The following CSMD1 variants were observed in gnomAD, a reference collection of about 807,000 sequenced individuals.
CSMD1 encodes the protein CUB and sushi domain-containing protein 1.
A neutral mutation model predicts 417.5 loss-of-function variants in CSMD1; 213 were observed. The ratio of observed to expected loss-of-function variants is 0.51; its 90% CI spans 0.46 to 0.57. The LOEUF is 0.57. CSMD1 is among the 20% of genes least tolerant of loss of function. CSMD1 has a pLI of 0.00. For synonymous variants in CSMD1, 2,862 were observed against 1,736.8 expected (o/e 1.65, Z -16.11); for missense variants, 6,923 against 4,529.7 (o/e 1.53, Z -15.17).
chr8:4,160,510 A>G (rs756723105), intron 3 of CSMD1, among the ~76,000 whole-genome samples: 4 of 152,156 alleles, frequency 2.6e-5, no homozygotes, highest in Non-Finnish European at 5.9e-5. Flanking sequence ...AAGTCAGACA[A>G]TCATTATGCT....
At chr8:3,411,735 CGT>C (rs1203433370) in intron 12 of CSMD1, among the ~76,000 whole-genome samples, 2 of 128,868 alleles carry the variant, frequency 1.6e-5, no homozygotes, top group Admixed American at 7.9e-5. Flanking sequence ...CATATATACA[CGT>C]GTATATATAC....
At chr8:3,916,870 A>G (rs957184636) in intron 5 of CSMD1, among the ~76,000 whole-genome samples, 18 of 151,934 alleles carry the variant, frequency 1.2e-4, no homozygotes, top group African/African-American at 3.4e-4. Flanking sequence ...GCACCAAATA[A>G]AAGTCCCTAG....
chr8:4,807,246 C>A (rs368933384), intron 1 of CSMD1, among the ~76,000 whole-genome samples: 1 of 152,292 alleles, frequency 6.6e-6, no homozygotes, highest in South Asian at 2.1e-4. Flanking sequence ...GCTTCTCCCA[C>A]AGAAAGCAAA....
chr8:4,741,680 A>T (rs1275516020), intron 1 of CSMD1, among the ~76,000 whole-genome samples: 1 of 152,178 alleles, frequency 6.6e-6, no homozygotes, highest in Non-Finnish European at 1.5e-5. Context: ...AGTAAATCAC[A>T]TCTTTTCCAT....
intron 3 of CSMD1, among the ~76,000 whole-genome samples, chr8:4,198,907 C>G (rs959008835): frequency 6.6e-6 from 1 of 151,892 alleles, no homozygotes; most frequent in Non-Finnish European, 1.5e-5. Context: ...TTTTTACTTT[C>G]CTTCCACGCA....
rs190166200 is a variant in CSMD1, at chr8:3,549,621, G to T, written c.1344+25324C>A. ...TGAGAGTGTGGCTTTTTAAAAACAG[G>T]AGGAGAAACCTCAGCTAGCATGATG... On this transcript the variant is annotated intron_variant, in intron 10 of 69. Coordinates refer to ENST00000635120, the MANE Select transcript of CSMD1 (RefSeq NM_033225.6). 3.9e-3 allele frequency among the ~76,000 whole-genome samples: 601 copies of T among 152,272 alleles called. 3 individuals carry two copies. The highest frequency in any genetic ancestry group is 6.4e-3 in the Admixed American group (98 of 15,298).
intron 49 of CSMD1, among the ~76,000 whole-genome samples, chr8:3,065,102 T>C (rs1247756550): frequency 6.6e-6 from 1 of 151,916 alleles, no homozygotes; most frequent in Non-Finnish European, 1.5e-5. Flanking sequence ...CACAGGCACA[T>C]CTAAAGAAGA....
intron 2 of CSMD1, among the ~76,000 whole-genome samples, chr8:4,604,382 T>TGTGTGA: frequency 5.9e-5 from 1 of 17,016 alleles, no homozygotes; most frequent in Middle Eastern, 0.033. Context: ...CAAATAGCAT[T>TGTGTGA]GTGTGTGTGT....
intron 5 of CSMD1, among the ~76,000 whole-genome samples, chr8:3,788,100 G>A (rs987226017): frequency 3.3e-5 from 5 of 152,114 alleles, no homozygotes; most frequent in Non-Finnish European, 5.9e-5. Context: ...GACTTGCAAC[G>A]CTTAGTTCTA....
At chr8:4,848,100 A>AT (rs372818550) in intron 1 of CSMD1, among the ~76,000 whole-genome samples, 20 of 151,036 alleles carry the variant, frequency 1.3e-4, no homozygotes, top group African/African-American at 2.7e-4. Flanking sequence ...CAACTGTGTT[A>AT]TTTTTTTTGG....
chr8:3,635,483 CTTTTT>C (rs562990317), intron 7 of CSMD1, among the ~76,000 whole-genome samples: 1 of 125,928 alleles, frequency 7.9e-6, no homozygotes, highest in Non-Finnish European at 1.7e-5. Flanking sequence ...GACTCCATCT[CTTTTT>C]TTTTTTTTTT....
intron 3 of CSMD1, among the ~76,000 whole-genome samples, chr8:4,053,631 G>A (rs192843861): frequency 1.1e-3 from 162 of 152,078 alleles, no homozygotes; most frequent in African/African-American, 3.8e-3. Flanking sequence ...GATTTCATTT[G>A]TCTTGCATAG....
chr8:3,567,940 C>T (rs942489633), intron 10 of CSMD1, among the ~76,000 whole-genome samples: 60 of 152,198 alleles, frequency 3.9e-4, no homozygotes, highest in African/African-American at 1.1e-3. Context: ...CCATGGACGC[C>T]GGAGATGGAA....
At chr8:3,965,386 A>G (rs1222493897) in intron 5 of CSMD1, among the ~76,000 whole-genome samples, 3 of 152,192 alleles carry the variant, frequency 2.0e-5, no homozygotes, top group African/African-American at 7.2e-5. Context: ...AGCGTTCTAC[A>G]AATACATTGC....
intron 3 of CSMD1, among the ~76,000 whole-genome samples, chr8:4,219,940 T>A (rs1288335676): frequency 6.6e-6 from 1 of 152,148 alleles, no homozygotes; most frequent in East Asian, 1.9e-4. Context: ...AAGATAATTT[T>A]TTAAAAATTT....
At chr8:4,383,329 C>G (rs1248809206) in intron 3 of CSMD1, among the ~76,000 whole-genome samples, 1 of 152,064 alleles carries the variant, frequency 6.6e-6, no homozygotes, top group Non-Finnish European at 1.5e-5. Flanking sequence ...ATCTCTGAGT[C>G]AAAGAAGATT....
At chr8:3,565,953 G>T (rs935453749) in intron 10 of CSMD1, among the ~76,000 whole-genome samples, 1 of 152,052 alleles carries the variant, frequency 6.6e-6, no homozygotes, top group Admixed American at 6.6e-5. Context: ...TCTTCCCAAC[G>T]TATACGCATT....
At chr8:4,046,733 T>A (rs1027609954) in intron 3 of CSMD1, among the ~76,000 whole-genome samples, 1 of 152,170 alleles carries the variant, frequency 6.6e-6, no homozygotes, top group Non-Finnish European at 1.5e-5. Flanking sequence ...TGATTTAAAC[T>A]TTTTTTCTGT....
At chr8:4,038,130 G>A (rs910652509) in intron 3 of CSMD1, among the ~76,000 whole-genome samples, 1 of 152,110 alleles carries the variant, frequency 6.6e-6, no homozygotes, top group Non-Finnish European at 1.5e-5. Context: ...AAGGTTTAAA[G>A]TCACTGATTG....
Sources: allele counts gnomAD v4.1 joint callset (sites outside exome capture counted in the v4.1 genomes callset), GRCh38; gene constraint gnomAD v4.1.1; transcripts MANE v1.5; gene names NCBI Gene and HGNC (gene_info 2026-07-23, HGNC 2026-07-21).